TFCP2: variants seen among roughly 807,000 people sequenced by gnomAD.
TFCP2 encodes the protein transcription factor CP2.
In TFCP2, 33 loss-of-function variants were observed where a neutral mutation model predicts 73.4. The ratio of observed to expected loss-of-function variants is 0.45; its 90% CI spans 0.34 to 0.60. The LOEUF is 0.60. Among genes scored for constraint, TFCP2 ranks in the 20% least tolerant of loss-of-function variants. TFCP2 has a pLI of 0.01. For synonymous variants in TFCP2, 193 were observed against 211.6 expected (o/e 0.91, Z 0.76); for missense variants, 352 against 604.0 (o/e 0.58, Z 4.37).
At chr12:51,157,824 G>A (rs1319245477) in intron 1 of TFCP2, among the ~76,000 whole-genome samples, 1 of 150,850 alleles carries the variant, frequency 6.6e-6, no homozygotes, top group African/African-American at 2.4e-5. Context: ...CCAAGTAGCT[G>A]GGATCATAGG....
At chr12:51,101,443 T>C (rs765947919) in intron 11 of TFCP2, among the ~76,000 whole-genome samples, 12 of 152,216 alleles carry the variant, frequency 7.9e-5, no homozygotes, top group Non-Finnish European at 1.6e-4. Flanking sequence ...GAGCTGCATC[T>C]TTCTCAGAAC....
At chr12:51,122,502 G>T (rs1054426067) in intron 1 of TFCP2, among the ~76,000 whole-genome samples, 5 of 151,876 alleles carry the variant, frequency 3.3e-5, no homozygotes, top group African/African-American at 1.2e-4. Flanking sequence ...CAGGTAATCT[G>T]CCCATCTCGG....
At chr12:51,127,492 A>T (rs992661554) in intron 1 of TFCP2, among the ~76,000 whole-genome samples, 2 of 152,228 alleles carry the variant, frequency 1.3e-5, no homozygotes, top group African/African-American at 4.8e-5. Context: ...AATTGCACTG[A>T]TGTGTCATCA....
chr12:51,125,000 T>C, intron 1 of TFCP2: 1 of 734,670 alleles, frequency 1.4e-6, no homozygotes, highest in Non-Finnish European at 2.5e-6. Flanking sequence ...GAGTGATAAC[T>C]TCTCCAGCAT....
Position 51,143,064 on chromosome 12 carries a change from C to A in TFCP2, c.123-24292G>T, listed in dbSNP as rs150866417. ...TCAACTCCCTTGTGGCAACCCTCCC[C>A]CTCTACAAAATCTCTGGACTTGATT... On this transcript the variant is annotated intron_variant, in intron 1 of 14. Transcript: ENST00000257915. 6.9e-3 allele frequency among the ~76,000 whole-genome samples: 1,057 copies of A among 152,156 alleles called. 38 individuals are homozygous for A. The highest frequency in any genetic ancestry group is 0.055 in the Admixed American group (845 of 15,236).
At chr12:51,124,759 T>G in intron 1 of TFCP2, 1 of 755,178 alleles carries the variant, frequency 1.3e-6, no homozygotes, top group Non-Finnish European at 2.4e-6. Context: ...GCTGCCTTTT[T>G]CTGCTGCTCA....
chr12:51,121,327 G>A (rs532703989), intron 1 of TFCP2, among the ~76,000 whole-genome samples: 1 of 151,842 alleles, frequency 6.6e-6, no homozygotes, highest in Non-Finnish European at 1.5e-5. Flanking sequence ...GCTGAGGCAG[G>A]AGAATTGCTT....
In TFCP2 at chr12:51,172,547, C is replaced by T. The variant is rs555729873; in HGVS notation, c.-125G>A. The T allele has an allele frequency of 9.2e-6, 12 of 1,309,700 alleles. No individual in the cohort carries two copies. In the South Asian group the frequency reaches 1.3e-4, roughly 15 times the overall value. The allele number at this position is 1,309,700 out of a possible 1,614,324, so 81.1% of individuals were successfully genotyped here. ...CCAAGGTTTCCCACGCAGTGCCCAC[C>T]AGCCACCCCCAAGCCCGACCAGCAC... is the stretch of plus-strand genomic sequence containing the variant. On this transcript the variant is annotated 5_prime_UTR_variant, in exon 1 of 15. Coordinates refer to ENST00000257915, the MANE Select transcript of TFCP2 (RefSeq NM_005653.5).
At chr12:51,135,381 C>T (rs1034225485) in intron 1 of TFCP2, among the ~76,000 whole-genome samples, 6 of 151,144 alleles carry the variant, frequency 4.0e-5, no homozygotes, top group Admixed American at 1.3e-4. Flanking sequence ...GAGCCGAGAT[C>T]GTGCCACTGC....
chr12:51,141,993 A>C (rs1364455359), intron 1 of TFCP2, among the ~76,000 whole-genome samples: 1 of 151,610 alleles, frequency 6.6e-6, no homozygotes, highest in Non-Finnish European at 1.5e-5. Flanking sequence ...TCACGAGGTC[A>C]GGAGTTTGAG....
At chr12:51,164,972 G>A (rs201234279) in intron 1 of TFCP2, among the ~76,000 whole-genome samples, 17 of 152,176 alleles carry the variant, frequency 1.1e-4, no homozygotes, top group African/African-American at 4.1e-4. Context: ...AATCCTACTC[G>A]AACTCCTTCA....
intron 1 of TFCP2, among the ~76,000 whole-genome samples, chr12:51,153,029 G>A (rs574458062): frequency 1.3e-5 from 2 of 152,172 alleles, no homozygotes; most frequent in Non-Finnish European, 2.9e-5. Context: ...GGGCAAAGGA[G>A]AACTATTTGC....
chr12:51,171,257 C>T (rs937285838), intron 1 of TFCP2, among the ~76,000 whole-genome samples: 5 of 152,190 alleles, frequency 3.3e-5, no homozygotes, highest in Non-Finnish European at 7.3e-5. Flanking sequence ...GCTGTTTCAA[C>T]ATTTCCATAC....
At chr12:51,138,725 G>A (rs1374456632) in intron 1 of TFCP2, among the ~76,000 whole-genome samples, 5 of 151,946 alleles carry the variant, frequency 3.3e-5, no homozygotes, top group Non-Finnish European at 7.4e-5. Context: ...CACAACATCC[G>A]CCTCCCGGGT....
chr12:51,095,385 G>A, intron 14 of TFCP2, 107 bp from the exon 15 acceptor site: 1 of 1,214,888 alleles, frequency 8.2e-7, no homozygotes, highest in East Asian at 2.3e-5. Context: ...AAAGGGAGGT[G>A]GAGGTTGCAG....
At chr12:51,139,887 C>A (rs1472563366) in intron 1 of TFCP2, among the ~76,000 whole-genome samples, 1 of 152,178 alleles carries the variant, frequency 6.6e-6, no homozygotes, top group Non-Finnish European at 1.5e-5. Context: ...ACTGAGGCTA[C>A]AGTAATTAGA....
At chr12:51,100,543 C>T (rs527631860) in intron 11 of TFCP2, among the ~76,000 whole-genome samples, 45 of 152,318 alleles carry the variant, frequency 3.0e-4, no homozygotes, top group African/African-American at 1.1e-3. Flanking sequence ...TGACCAGGCA[C>T]GGTGGCTCAC....
At chr12:51,124,423 CTTTTTT>C (rs746371798) in intron 1 of TFCP2, among the ~76,000 whole-genome samples, 2 of 148,666 alleles carry the variant, frequency 1.3e-5, no homozygotes, top group African/African-American at 4.9e-5. Context: ...TCTTCTTCTT[CTTTTTT>C]TTTTAAGAGT....
chr12:51,156,831 T>C (rs1213662384), intron 1 of TFCP2: 2 of 152,134 alleles, frequency 1.3e-5, no homozygotes, highest in African/African-American at 2.4e-5. Flanking sequence ...GTTACCCAAT[T>C]TGTTGGTGTA....
Sources: allele counts gnomAD v4.1 joint callset (sites outside exome capture counted in the v4.1 genomes callset), GRCh38; gene constraint gnomAD v4.1.1; transcripts MANE v1.5; gene names NCBI Gene and HGNC (gene_info 2026-07-23, HGNC 2026-07-21).